Variants in MRM1 observed in about 807,000 individuals in gnomAD.
The protein encoded by MRM1 is mitochondrial rRNA methyltransferase 1.
Under a neutral mutation model 25.0 loss-of-function variants are expected in MRM1, and 24 were observed. The observed-to-expected ratio is 0.96, with a 90% CI of 0.69 to 1.35. MRM1 has a LOEUF of 1.35. MRM1 is among the 40% of genes most tolerant of loss of function. MRM1 has a pLI of 0.00. For synonymous variants in MRM1, 188 were observed against 199.2 expected (o/e 0.94, Z 0.47); for missense variants, 431 against 464.1 (o/e 0.93, Z 0.65).
At chr17:36,607,454 C>A (rs2074939646) in intron 2 of MRM1, among the ~76,000 whole-genome samples, 1 of 146,616 alleles carries the variant, frequency 6.8e-6, no homozygotes. Context: ...AACCTCATCT[C>A]AAAAAAAAAA....
At chr17:36,627,032 G>A in the MRM1 span, among the ~76,000 whole-genome samples, 3 of 152,226 alleles carry the variant, frequency 2.0e-5, no homozygotes, top group Non-Finnish European at 4.4e-5. Flanking sequence ...ATGGTCAGGT[G>A]ATGCGTAGCC....
chr17:36,612,150 G>A (rs376828489), downstream of MRM1, among the ~76,000 whole-genome samples: 3 of 152,190 alleles, frequency 2.0e-5, no homozygotes, highest in Admixed American at 1.3e-4. Flanking sequence ...GCTGGAACCC[G>A]ATCTAACCTG....
chr17:36,612,146 A>G (rs902056086), downstream of MRM1, among the ~76,000 whole-genome samples: 17 of 151,948 alleles, frequency 1.1e-4, no homozygotes, highest in African/African-American at 4.1e-4. Flanking sequence ...GGTGGCTGGA[A>G]CCCGATCTAA....
Position 36,608,423 on chromosome 17 carries a change from T to C in MRM1, c.*8T>C. ...AGGCAAAATGAGGGCTGACGTGGAC[T>C]GTCCACAGTGTTCATGTGCTGGAGT... On this transcript the variant is annotated 3_prime_UTR_variant, in exon 5 of 5. Coordinates refer to ENST00000614766, the MANE Select transcript of MRM1 (RefSeq NM_024864.5). 2 of 1,516,964 alleles carry C rather than the reference T, an allele frequency of 1.3e-6. No individual in the cohort carries two copies. The highest frequency in any genetic ancestry group is 2.3e-5 in the East Asian group (1 of 42,728). The allele number at this position is 1,516,964 out of a possible 1,614,324, so 94.0% of individuals were successfully genotyped here.
chr17:36,622,400 C>T, the MRM1 span, among the ~76,000 whole-genome samples: 1 of 151,888 alleles, frequency 6.6e-6, no homozygotes, highest in African/African-American at 2.4e-5. Context: ...GGTGAAACCC[C>T]ATCTCTACTA....
chr17:36,622,621 C>G, the MRM1 span, among the ~76,000 whole-genome samples: 12 of 151,906 alleles, frequency 7.9e-5, no homozygotes, highest in African/African-American at 2.9e-4. Flanking sequence ...TCATTTCAAA[C>G]CTGATGTCGG....
At chr17:36,610,264 G>A (rs1461139055), downstream of MRM1, among the ~76,000 whole-genome samples, 1 of 134,042 alleles carries the variant, frequency 7.5e-6, no homozygotes, top group Non-Finnish European at 1.6e-5. Flanking sequence ...ACGGAGTCTC[G>A]CTCTGTTGCC....
chr17:36,634,320 C>G, the MRM1 span: 1 of 152,266 alleles, frequency 6.6e-6, no homozygotes, highest in Non-Finnish European at 1.5e-5. Context: ...CTGGCTTTCA[C>G]ATCTGCGACC....
chr17:36,632,612 C>A, the MRM1 span, among the ~76,000 whole-genome samples: 872 of 152,144 alleles, frequency 5.7e-3, 47 homozygotes, highest in East Asian at 0.13. Context: ...CCCCCCACTG[C>A]CATCTCCCCA....
chr17:36,609,356 C>T (rs1447634161), downstream of MRM1, among the ~76,000 whole-genome samples: 2 of 152,314 alleles, frequency 1.3e-5, no homozygotes, highest in Non-Finnish European at 2.9e-5. Flanking sequence ...ATGGGTGTGG[C>T]GCCACCTGGC....
In MRM1 at chr17:36,602,135, A is replaced by G; in HGVS notation, c.325A>G (p.Thr109Ala). 1.2e-6 allele frequency: 2 copies of G among 1,612,918 alleles called. No homozygotes were observed. The highest frequency in any genetic ancestry group is 1.7e-6 in the Non-Finnish European group (2 of 1,179,746). Reference sequence around the variant, plus strand: ...GCGGCCCAGACGGCAGAAACTGGACACAATGTGCCGCTACCAGGTCCACCA... The same window carrying G: ...GCGGCCCAGACGGCAGAAACTGGACGCAATGTGCCGCTACCAGGTCCACCA... ...VLRPRRQKLD[T>A]MCRYQVHQGV... Residue 109 changes from threonine to alanine, a missense_variant, in exon 1 of 5, where the codon ACA becomes GCA. Physicochemically the swap from Thr to Ala is moderately conservative, Grantham distance 58. Coordinates refer to ENST00000614766, the MANE Select transcript of MRM1 (RefSeq NM_024864.5). The surrounding 1 kb of genome is among the most constrained non-coding windows in gnomAD (Gnocchi z 4.1).
In MRM1 at chr17:36,601,855, C is replaced by T. The variant is rs2074871295; in HGVS notation, c.45C>T (p.Leu15=). ...TCCGGGGCGCGACCTGGGGTCGCCTCGTCACCCGTCATTTCTCCCATGCAG... is the reference window on the plus strand; with the variant it reads ...TCCGGGGCGCGACCTGGGGTCGCCTTGTCACCCGTCATTTCTCCCATGCAG... ...STVRGATWGR[L]VTRHFSHAAR... The change falls in exon 1 of 5, where the codon CTC becomes CTT. Residue 15 remains leucine, a synonymous_variant. Transcript: ENST00000614766. The T allele has an allele frequency of 6.3e-7, 1 of 1,596,870 alleles. No individual in the cohort carries two copies. The highest frequency in any genetic ancestry group is 1.3e-5 in the African/African-American group (1 of 74,812).
the MRM1 span, among the ~76,000 whole-genome samples, chr17:36,617,393 C>CT: frequency 2.8e-3 from 379 of 137,614 alleles, 1 homozygote; most frequent in Middle Eastern, 0.016. Context: ...TCCTTTCCGT[C>CT]TTTTTTTTTT....
the MRM1 span, among the ~76,000 whole-genome samples, chr17:36,632,635 C>T: frequency 6.6e-6 from 1 of 152,126 alleles, no homozygotes; most frequent in Non-Finnish European, 1.5e-5. Flanking sequence ...CCAATTCTTT[C>T]TCAGCTCATT....
At chr17:36,622,622 C>G in the MRM1 span, among the ~76,000 whole-genome samples, 1 of 152,036 alleles carries the variant, frequency 6.6e-6, no homozygotes, top group Non-Finnish European at 1.5e-5. Flanking sequence ...CATTTCAAAC[C>G]TGATGTCGGA....
chr17:36,634,332 G>C, the MRM1 span: 1 of 152,222 alleles, frequency 6.6e-6, no homozygotes, highest in Non-Finnish European at 1.5e-5. Flanking sequence ...TCTGCGACCT[G>C]CTGTAGCCCT....
rs575950332 is a variant in MRM1, at chr17:36,602,395, G to T, written c.542+43G>T. 3.9e-6 allele frequency: 6 copies of T among 1,546,978 alleles called. No individual in the cohort carries two copies. In the South Asian group the frequency reaches 7.4e-5, roughly 19 times the overall value. On this transcript the variant is annotated intron_variant, in intron 1 of 4. Transcript: ENST00000614766. The surrounding 1 kb of genome is among the most constrained non-coding windows in gnomAD (Gnocchi z 4.1). ...TCTCTATGTGCCCCAACTTGGAGACGCAGCCGAGTTCCTAAGCACCTTGGC... is the reference window on the plus strand; with the variant it reads ...TCTCTATGTGCCCCAACTTGGAGACTCAGCCGAGTTCCTAAGCACCTTGGC...
the MRM1 span, among the ~76,000 whole-genome samples, chr17:36,629,001 G>C: frequency 2.0e-5 from 3 of 152,192 alleles, no homozygotes; most frequent in Admixed American, 6.5e-5. Flanking sequence ...AAGGCATGGA[G>C]TGCAGGCTTC....
chr17:36,630,303 A>G, the MRM1 span, among the ~76,000 whole-genome samples: 1 of 152,122 alleles, frequency 6.6e-6, no homozygotes, highest in South Asian at 2.1e-4. Flanking sequence ...GGGGCCTCCA[A>G]ACCTTGTACT....
Sources: gnomAD v4.1 joint callset for allele counts (sites outside exome capture counted in the v4.1 genomes callset) on GRCh38, gnomAD v4.1.1 for gene constraint, Gnocchi (gnomAD v3.1) non-coding constraint, MANE v1.5 for transcripts, NCBI Gene and HGNC (gene_info 2026-07-23, HGNC 2026-07-21) for gene names.